Variants in KLF12 observed in about 807,000 individuals in gnomAD.
The protein encoded by KLF12 is Krueppel-like factor 12.
Under a neutral mutation model 37.8 loss-of-function variants are expected in KLF12, and 9 were observed. That is an observed-to-expected ratio of 0.24 (90% CI 0.14 to 0.42). KLF12 has a LOEUF of 0.42. KLF12 is among the 10% of genes least tolerant of loss of function. The pLI is 1.00. For synonymous variants in KLF12, 208 were observed against 202.1 expected (o/e 1.03, Z -0.25); for missense variants, 411 against 516.0 (o/e 0.80, Z 1.97).
intron 3 of KLF12, among the ~76,000 whole-genome samples, chr13:73,868,541 A>T (rs184763633): frequency 6.6e-6 from 1 of 151,678 alleles, no homozygotes; most frequent in African/African-American, 2.4e-5. Context: ...CAGGTGCACA[A>T]CAACATGCCC....
At chr13:74,178,361 C>T in the KLF12 span, among the ~76,000 whole-genome samples, 2 of 151,946 alleles carry the variant, frequency 1.3e-5, no homozygotes, top group East Asian at 1.9e-4. Context: ...TTTTTACACT[C>T]ATTGCCTTAA....
At chr13:74,225,842 C>T in the KLF12 span, among the ~76,000 whole-genome samples, 1 of 152,054 alleles carries the variant, frequency 6.6e-6, no homozygotes, top group Admixed American at 6.6e-5. Context: ...GATGTCCAGT[C>T]TAAGAAGAGG....
chr13:73,918,694 A>G (rs1212817321), intron 3 of KLF12, among the ~76,000 whole-genome samples: 1 of 152,210 alleles, frequency 6.6e-6, no homozygotes, highest in African/African-American at 2.4e-5. Flanking sequence ...GATGCCAGTA[A>G]CAGAATTATC....
At chr13:73,898,325 G>A (rs1476527370) in intron 3 of KLF12, among the ~76,000 whole-genome samples, 1 of 152,152 alleles carries the variant, frequency 6.6e-6, no homozygotes, top group Non-Finnish European at 1.5e-5. Context: ...AGATACAAAG[G>A]ACAACATTCT....
chr13:73,966,791 C>T (rs112201597), intron 2 of KLF12, among the ~76,000 whole-genome samples: 1 of 152,154 alleles, frequency 6.6e-6, no homozygotes, highest in Non-Finnish European at 1.5e-5. Context: ...CGGCACTTTA[C>T]TCAGGAAACA....
chr13:73,991,707 G>C (rs1404522692), intron 2 of KLF12, among the ~76,000 whole-genome samples: 1 of 152,114 alleles, frequency 6.6e-6, no homozygotes, highest in East Asian at 1.9e-4. Flanking sequence ...TATTGTCCAG[G>C]CAACTACCCT....
the KLF12 span, among the ~76,000 whole-genome samples, chr13:74,236,043 C>A: frequency 2.6e-4 from 39 of 149,166 alleles, no homozygotes; most frequent in Non-Finnish European, 5.1e-4. Context: ...GCGCTGCACC[C>A]ACTAACTCGT....
At chr13:74,125,002 T>C (rs1006778336) in intron 1 of KLF12, among the ~76,000 whole-genome samples, 4 of 151,764 alleles carry the variant, frequency 2.6e-5, no homozygotes, top group Non-Finnish European at 5.9e-5. Flanking sequence ...AAAAATCAGC[T>C]GGTCATGGTG....
chr13:74,106,583 T>A (rs376291729), intron 1 of KLF12, among the ~76,000 whole-genome samples: 2 of 152,290 alleles, frequency 1.3e-5, no homozygotes, highest in South Asian at 2.1e-4. Flanking sequence ...CAGTGCATAC[T>A]TAAAACAACT....
chr13:74,136,076 A>G (rs1878544701), upstream of KLF12, among the ~76,000 whole-genome samples: 1 of 152,218 alleles, frequency 6.6e-6, no homozygotes, highest in South Asian at 2.1e-4. Context: ...GGAAGGCAGC[A>G]GGATTCAGAG....
intron 6 of KLF12, among the ~76,000 whole-genome samples, chr13:73,752,730 A>AT (rs71115614): frequency 0.022 from 2,606 of 119,672 alleles, 72 homozygotes; most frequent in African/African-American, 0.1. Flanking sequence ...CCACATATAT[A>AT]TTTTTTTTTT....
At chr13:74,213,072 A>G in the KLF12 span, among the ~76,000 whole-genome samples, 1 of 152,174 alleles carries the variant, frequency 6.6e-6, no homozygotes, top group African/African-American at 2.4e-5. Context: ...CTGCACACAT[A>G]TATCAGCAAA....
chr13:74,253,819 T>C, the KLF12 span, among the ~76,000 whole-genome samples: 1 of 152,194 alleles, frequency 6.6e-6, no homozygotes, highest in Non-Finnish European at 1.5e-5. Context: ...GCCCAGCCTA[T>C]ATAAATTATG....
the KLF12 span, among the ~76,000 whole-genome samples, chr13:74,264,707 G>A: frequency 2.0e-5 from 3 of 152,028 alleles, no homozygotes; most frequent in Admixed American, 2.0e-4. Context: ...AACTGAATTT[G>A]GATTTCAGCA....
chr13:74,216,309 T>C, the KLF12 span, among the ~76,000 whole-genome samples: 2 of 152,210 alleles, frequency 1.3e-5, no homozygotes, highest in Admixed American at 6.5e-5. Context: ...AGATCTAAAA[T>C]TTTAAACTAA....
chr13:74,136,429 C>A (rs1287993804), upstream of KLF12, among the ~76,000 whole-genome samples: 2 of 152,166 alleles, frequency 1.3e-5, no homozygotes, highest in Non-Finnish European at 2.9e-5. Flanking sequence ...AGAAACTTGC[C>A]TCTACTAGAA....
intron 1 of KLF12, among the ~76,000 whole-genome samples, chr13:74,087,426 G>A (rs1875380629): frequency 6.6e-6 from 1 of 151,982 alleles, no homozygotes; most frequent in African/African-American, 2.4e-5. Flanking sequence ...TTCACTGCAA[G>A]AGTCCAGAAT....
chr13:74,275,329 C>A, the KLF12 span, among the ~76,000 whole-genome samples: 2 of 152,128 alleles, frequency 1.3e-5, no homozygotes, highest in African/African-American at 4.8e-5. Flanking sequence ...ATACGGGGAA[C>A]CATTGGAGGG....
chr13:73,862,260 G>A (rs1327414719), intron 3 of KLF12, among the ~76,000 whole-genome samples: 1 of 152,074 alleles, frequency 6.6e-6, no homozygotes, highest in African/African-American at 2.4e-5. Flanking sequence ...GAAAAGACAT[G>A]TCTAAAAATT....
Sources: gnomAD v4.1 joint callset for allele counts (sites outside exome capture counted in the v4.1 genomes callset) on GRCh38, gnomAD v4.1.1 for gene constraint, MANE v1.5 for transcripts, NCBI Gene and HGNC (gene_info 2026-07-23, HGNC 2026-07-21) for gene names.